The following TRIM66 variants were observed in gnomAD, a reference collection of about 807,000 sequenced individuals.
TRIM66 encodes tripartite motif containing 66.
A neutral mutation model predicts 148.2 loss-of-function variants in TRIM66; 99 were observed. The ratio of observed to expected loss-of-function variants is 0.67; its 90% CI spans 0.57 to 0.79. The LOEUF is 0.79. Among genes scored for constraint, TRIM66 ranks in the 30% least tolerant of loss-of-function variants. The pLI is 0.00. For synonymous variants in TRIM66, 616 were observed against 635.9 expected (o/e 0.97, Z 0.47); for missense variants, 1,666 against 1,697.9 (o/e 0.98, Z 0.33).
At chr11:8,677,555 GGCTGCTTGAGGCTA>G (rs760571088) in intron 3 of TRIM66, among the ~76,000 whole-genome samples, 215 of 152,180 alleles carry the variant, frequency 1.4e-3, no homozygotes, top group Admixed American at 2.4e-3. Flanking sequence ...GAGGTAGGAG[GGCTGCTTGAGGCTA>G]GCAGTTTGAG....
chr11:8,621,711 A>G lies in TRIM66; in HGVS notation c.3189T>C (p.Asn1063=). ...MPVFKLKPQK[N]DQDGSFLLII... is the part of the protein sequence containing the mutation. The stretch of plus-strand genomic sequence containing the variant: ...TCAGCAGGAAGCTCCCATCCTGATC[A>G]TTCTTCTGTGGCTTCAGTTTGAACA... The change falls in exon 19 of 25, where the codon AAT becomes AAC. Residue 1063 remains asparagine, a synonymous_variant. Coordinates refer to ENST00000646038, the MANE Select transcript of TRIM66 (RefSeq NM_001388022.1). 6.4e-7 allele frequency: 1 copy of G among 1,551,802 alleles called. No homozygotes were observed. Among genetic ancestry groups the G allele is most frequent in the Non-Finnish European group, 8.7e-7 (1 of 1,147,008 alleles).
At chr11:8,654,208 G>A (rs1362134296) in intron 6 of TRIM66, among the ~76,000 whole-genome samples, 3 of 152,300 alleles carry the variant, frequency 2.0e-5, no homozygotes, top group Non-Finnish European at 2.9e-5. Flanking sequence ...TCCTCAGCTT[G>A]GCATTCAATG....
chr11:8,681,736 C>G (rs1175422096), intron 1 of TRIM66, among the ~76,000 whole-genome samples: 1 of 151,864 alleles, frequency 6.6e-6, no homozygotes. Context: ...AAAAAACAGT[C>G]CTTGACCACA....
At chr11:8,683,007 G>C, upstream of TRIM66, 1 of 879,228 alleles carries the variant, frequency 1.1e-6, no homozygotes, top group Non-Finnish European at 1.8e-6. Flanking sequence ...CCGCGGTTCG[G>C]ATCTCTAGGA....
chr11:8,682,748 C>G, upstream of TRIM66: 1 of 1,610,012 alleles, frequency 6.2e-7, no homozygotes, highest in Non-Finnish European at 8.5e-7. Flanking sequence ...GCGTTTTGCC[C>G]CGCCCCCGTG....
At chr11:8,662,223 C>A (rs1377221118) in intron 6 of TRIM66, among the ~76,000 whole-genome samples, 1 of 152,170 alleles carries the variant, frequency 6.6e-6, no homozygotes, top group Non-Finnish European at 1.5e-5. Flanking sequence ...CTGGAATGAG[C>A]AAAGAGTAGT....
chr11:8,677,502 G>C, intron 3 of TRIM66, among the ~76,000 whole-genome samples: 1 of 152,176 alleles, frequency 6.6e-6, no homozygotes, highest in Non-Finnish European at 1.5e-5. Flanking sequence ...CTAGGAGGCT[G>C]GGCGTGATGG....
intron 3 of TRIM66, among the ~76,000 whole-genome samples, chr11:8,676,446 A>G (rs1000698326): frequency 6.6e-6 from 1 of 152,138 alleles, no homozygotes. Flanking sequence ...GGGACCCCCC[A>G]CCCCATAAGG....
chr11:8,682,005 T>G (rs1592230753), intron 1 of TRIM66, among the ~76,000 whole-genome samples: 1 of 152,122 alleles, frequency 6.6e-6, no homozygotes, highest in African/African-American at 2.4e-5. Context: ...CAAGAAATCC[T>G]CCCGCCTCGA....
intron 15 of TRIM66, among the ~76,000 whole-genome samples, chr11:8,637,818 C>T (rs1054825682): frequency 4.6e-5 from 7 of 151,912 alleles, no homozygotes; most frequent in South Asian, 2.1e-4. Flanking sequence ...AAGACAATAG[C>T]GTAAGTGAAA....
chr11:8,620,610 A>G, intron 20 of TRIM66, 38 bp from the exon 21 acceptor site: 1 of 1,546,770 alleles, frequency 6.5e-7, no homozygotes, highest in Non-Finnish European at 8.7e-7. Flanking sequence ...GCCTCAGCAC[A>G]TTGCCCAGAG....
chr11:8,638,795 T>C lies in TRIM66; in HGVS notation c.2169A>G (p.Ala723=). Residue 723 remains alanine (A), a synonymous_variant, in exon 15 of 25, where the codon GCA becomes GCG. Coordinates refer to ENST00000646038, the MANE Select transcript of TRIM66 (RefSeq NM_001388022.1). ...GGAGAGCCGGCTTTGAGCCCTGAGATGCTGGGGGCTCATCTGTAGCCTGGA... is the reference window on the plus strand; with the variant it reads ...GGAGAGCCGGCTTTGAGCCCTGAGACGCTGGGGGCTCATCTGTAGCCTGGA... ...ETLQATDEPP[A]SQGSKPALPL... is the part of the protein sequence containing the mutation. The C allele has an allele frequency of 6.4e-7, 1 of 1,551,346 alleles. No individual in the cohort carries two copies. The highest frequency in any genetic ancestry group is 8.7e-7 in the Non-Finnish European group (1 of 1,146,876).
chr11:8,624,638 A>G lies in TRIM66; in HGVS notation c.2826+75T>C, dbSNP rs375391347. Reference sequence around the variant, plus strand: ...TCAGAACTGTTAAGCTAAGGTCAGAATAAGGGTCCCAGTGGCCAATCTTTT... The same window carrying G: ...TCAGAACTGTTAAGCTAAGGTCAGAGTAAGGGTCCCAGTGGCCAATCTTTT... On this transcript the variant is annotated intron_variant, in intron 16 of 24. Coordinates refer to ENST00000646038, the MANE Select transcript of TRIM66 (RefSeq NM_001388022.1). The G allele has an allele frequency of 1.6e-5, 24 of 1,477,724 alleles. No individual in the cohort carries two copies. In the African/African-American group the frequency reaches 2.0e-4, roughly 12 times the overall value. 91.5% of individuals were successfully genotyped at this position (1,477,724 alleles called of 1,614,324 possible).
intron 12 of TRIM66, among the ~76,000 whole-genome samples, chr11:8,643,402 C>T (rs1302740633): frequency 2.0e-5 from 3 of 150,860 alleles, no homozygotes; most frequent in Non-Finnish European, 3.0e-5. Context: ...TGCAGTGGCG[C>T]GATCTTAGCT....
chr11:8,628,529 C>T (rs146326035), intron 15 of TRIM66, among the ~76,000 whole-genome samples: 98 of 147,512 alleles, frequency 6.6e-4, no homozygotes, highest in African/African-American at 2.3e-3. Flanking sequence ...GGGAGGATTG[C>T]TTGAGCCCGG....
chr11:8,680,109 A>G (rs1265510518), intron 1 of TRIM66, 46 bp from the exon 2 acceptor site: 2 of 152,312 alleles, frequency 1.3e-5, no homozygotes, highest in East Asian at 3.8e-4. Context: ...GTTGAGGAAG[A>G]TTCAGGACAT....
intron 7 of TRIM66, 59 bp downstream of exon 7, chr11:8,651,741 A>T: frequency 7.5e-7 from 1 of 1,327,250 alleles, no homozygotes; most frequent in Non-Finnish European, 1.1e-6. Flanking sequence ...AGACTTATGG[A>T]CAGGGGCCTC....
At chr11:8,663,014 T>G (rs1002997425) in intron 6 of TRIM66, 6 of 152,192 alleles carry the variant, frequency 3.9e-5, no homozygotes, top group African/African-American at 7.2e-5. Flanking sequence ...AAAAAGCAAA[T>G]AGCCCCAAGT....
At chr11:8,621,918 A>C in intron 18 of TRIM66, 99 bp from the exon 19 acceptor site, 1 of 1,196,474 alleles carries the variant, frequency 8.4e-7, no homozygotes, top group Non-Finnish European at 1.1e-6. Flanking sequence ...ATTAATATTG[A>C]GTGTCAACTT....
Sources: gnomAD v4.1 joint callset for allele counts (sites outside exome capture counted in the v4.1 genomes callset) on GRCh38, gnomAD v4.1.1 for gene constraint, MANE v1.5 for transcripts, NCBI Gene and HGNC (gene_info 2026-07-23, HGNC 2026-07-21) for gene names.